The following ALK variants were observed in gnomAD, a reference collection of about 807,000 sequenced individuals.
The protein encoded by ALK is ALK receptor tyrosine kinase, also known as ALK tyrosine kinase receptor.
Under a neutral mutation model 163.1 loss-of-function variants are expected in ALK, and 74 were observed. The ratio of observed to expected loss-of-function variants is 0.45; its 90% CI spans 0.38 to 0.55. ALK has a LOEUF of 0.55. Among genes scored for constraint, ALK ranks in the 20% least tolerant of loss-of-function variants. ALK has a pLI of 0.00. For synonymous variants in ALK, 960 were observed against 843.2 expected, an observed-to-expected ratio of 1.14 and a Z score of -2.40; for missense variants, 2,063 against 2,105.3, an observed-to-expected ratio of 0.98 and a Z score of 0.39.
chr2:29,361,358 G>T (rs1668384450), intron 5 of ALK, among the ~76,000 whole-genome samples: 1 of 152,120 alleles, frequency 6.6e-6, no homozygotes, highest in Non-Finnish European at 1.5e-5. Context: ...CACATTCCAA[G>T]TCCAGAACCA....
chr2:29,398,889 C>G (rs748755262), intron 4 of ALK, among the ~76,000 whole-genome samples: 3 of 152,168 alleles, frequency 2.0e-5, no homozygotes, highest in African/African-American at 7.2e-5. Flanking sequence ...TGATTCAAAG[C>G]GCTGGTGGCC....
intron 4 of ALK, among the ~76,000 whole-genome samples, chr2:29,415,856 T>C (rs1209655225): frequency 2.0e-5 from 3 of 152,228 alleles, no homozygotes; most frequent in East Asian, 3.8e-4. Context: ...ATCCACCTTT[T>C]CTTGCCCTTG....
chr2:29,787,931 T>G (rs1393565651), intron 1 of ALK, among the ~76,000 whole-genome samples: 2 of 152,122 alleles, frequency 1.3e-5, no homozygotes, highest in African/African-American at 4.8e-5. Context: ...TAATTCAAAG[T>G]GTTAGTATAT....
chr2:29,634,315 G>C (rs1676463979), intron 3 of ALK, among the ~76,000 whole-genome samples: 1 of 152,076 alleles, frequency 6.6e-6, no homozygotes, highest in African/African-American at 2.4e-5. Flanking sequence ...AACAGAGACA[G>C]TACAAAACAA....
At chr2:29,260,966 C>T (rs1665074975) in intron 11 of ALK, among the ~76,000 whole-genome samples, 1 of 152,136 alleles carries the variant, frequency 6.6e-6, no homozygotes, top group Non-Finnish European at 1.5e-5. Context: ...CTTTCCTACT[C>T]AATATTGATT....
chr2:29,494,974 T>C (rs899453482), intron 4 of ALK, among the ~76,000 whole-genome samples: 1 of 152,130 alleles, frequency 6.6e-6, no homozygotes, highest in Non-Finnish European at 1.5e-5. Flanking sequence ...ATTCAAAACA[T>C]AGATATCGCT....
In ALK at chr2:29,382,746, C is replaced by T. The variant is rs113578263; in HGVS notation, c.1282+986G>A. 3.5e-3 allele frequency among the ~76,000 whole-genome samples: 538 copies of T among 152,312 alleles called. 3 individuals carry two copies. The highest frequency in any genetic ancestry group is 3.8e-3 in the Non-Finnish European group (257 of 68,030). ...AAGCCACATGTTTCTTATACATTGC[C>T]TCATATCATAGGTTAACCACCTTTT... On this transcript the variant is annotated intron_variant, in intron 5 of 28. Coordinates refer to ENST00000389048, the MANE Select transcript of ALK (RefSeq NM_004304.5).
chr2:29,920,994 T>G lies in ALK; in HGVS notation c.-335A>C, dbSNP rs933644437. On this transcript the variant is annotated 5_prime_UTR_variant, in exon 1 of 29. Transcript: ENST00000389048. Reference sequence around the variant, plus strand: ...TGCGCTCGGTACAGAGGAACTACTATGGTTGAAGGGAGGTGGCAGTTGGGT... The same window carrying G: ...TGCGCTCGGTACAGAGGAACTACTAGGGTTGAAGGGAGGTGGCAGTTGGGT... 1 of 348,476 alleles carries G rather than the reference T, an allele frequency of 2.9e-6. No homozygotes were observed. The highest frequency in any genetic ancestry group is 4.5e-5 in the East Asian group (1 of 22,144). 21.6% of individuals were successfully genotyped at this position (348,476 alleles called of 1,614,324 possible).
intron 1 of ALK, among the ~76,000 whole-genome samples, chr2:29,739,761 T>G (rs1452764961): frequency 6.6e-6 from 1 of 152,056 alleles, no homozygotes; most frequent in African/African-American, 2.4e-5. Flanking sequence ...AGATGTGTAT[T>G]GTGAATACCA....
chr2:29,325,885 G>A (rs1331915039), intron 6 of ALK, among the ~76,000 whole-genome samples: 2 of 152,202 alleles, frequency 1.3e-5, no homozygotes, highest in Non-Finnish European at 2.9e-5. Flanking sequence ...TGTTGTTGCT[G>A]TTGTTATCTT....
intron 1 of ALK, among the ~76,000 whole-genome samples, chr2:29,742,728 TG>T (rs1680095552): frequency 6.6e-6 from 1 of 152,324 alleles, no homozygotes; most frequent in East Asian, 1.9e-4. Context: ...TGAGCAAGCA[TG>T]CCTTAGGTTG....
At chr2:29,530,607 C>G (rs942467380) in intron 4 of ALK, among the ~76,000 whole-genome samples, 1 of 152,186 alleles carries the variant, frequency 6.6e-6, no homozygotes, top group Admixed American at 6.5e-5. Context: ...GGGCAAATAC[C>G]TATAGGATGG....
chr2:29,306,202 G>T (rs1015368736), intron 8 of ALK, among the ~76,000 whole-genome samples: 1 of 152,174 alleles, frequency 6.6e-6, no homozygotes, highest in Non-Finnish European at 1.5e-5. Context: ...TTATCTCACT[G>T]TATACTGACA....
At chr2:29,239,590 A>G in intron 13 of ALK, 90 bp downstream of exon 13, 1 of 1,497,582 alleles carries the variant, frequency 6.7e-7, no homozygotes, top group Non-Finnish European at 9.2e-7. Flanking sequence ...ATGAACTTCC[A>G]GGAGGAGGGT....
chr2:29,868,015 A>T (rs1666482709), intron 1 of ALK, among the ~76,000 whole-genome samples: 1 of 152,186 alleles, frequency 6.6e-6, no homozygotes, highest in Non-Finnish European at 1.5e-5. Flanking sequence ...GGTGGCAGGA[A>T]CAGGTGTGTG....
At chr2:29,902,394 C>A (rs1375312456) in intron 1 of ALK, among the ~76,000 whole-genome samples, 1 of 152,190 alleles carries the variant, frequency 6.6e-6, no homozygotes, top group Non-Finnish European at 1.5e-5. Context: ...GAATCTGCAT[C>A]TTTCCAAATC....
intron 4 of ALK, among the ~76,000 whole-genome samples, chr2:29,513,628 CA>C (rs1672582131): frequency 1.3e-5 from 2 of 151,882 alleles, no homozygotes; most frequent in South Asian, 4.2e-4. Flanking sequence ...GCAATGGCAA[CA>C]AAAGACAAAA....
chr2:29,361,918 C>A (rs1259962082), intron 5 of ALK, among the ~76,000 whole-genome samples: 1 of 152,158 alleles, frequency 6.6e-6, no homozygotes, highest in African/African-American at 2.4e-5. Context: ...AATCTTTAGC[C>A]CATCCTTTTT....
intron 4 of ALK, among the ~76,000 whole-genome samples, chr2:29,396,647 C>A (rs1669310825): frequency 6.6e-6 from 1 of 151,968 alleles, no homozygotes; most frequent in African/African-American, 2.4e-5. Flanking sequence ...TGTACTCCAG[C>A]CTAGATGACA....
Sources: allele counts gnomAD v4.1 joint callset (sites outside exome capture counted in the v4.1 genomes callset), GRCh38; gene constraint gnomAD v4.1.1; transcripts MANE v1.5; gene names NCBI Gene and HGNC (gene_info 2026-07-23, HGNC 2026-07-21).